NKAIN4: variants seen among roughly 807,000 people sequenced by gnomAD.
NKAIN4 encodes sodium/potassium-transporting ATPase subunit beta-1-interacting protein 4.
In NKAIN4, 28 loss-of-function variants were observed where a neutral mutation model predicts 28.8. That is an observed-to-expected ratio of 0.97 (90% CI 0.72 to 1.33). The LOEUF is 1.33. NKAIN4 is among the 40% of genes most tolerant of loss of function. The pLI, the probability that NKAIN4 is intolerant of heterozygous loss-of-function variation, is 0.00. For synonymous variants in NKAIN4, 122 were observed against 115.6 expected (o/e 1.06, Z -0.36); for missense variants, 289 against 277.2 (o/e 1.04, Z -0.30).
At chr20:63,246,492 G>A (rs999798639) in intron 4 of NKAIN4, 17 of 985,286 alleles carry the variant, frequency 1.7e-5, no homozygotes, top group Non-Finnish European at 1.9e-5. Flanking sequence ...GCAGAGCCCA[G>A]GAAGGAGCCC....
At chr20:63,246,440 A>G in intron 4 of NKAIN4, 1 of 945,842 alleles carries the variant, frequency 1.1e-6, no homozygotes, top group Non-Finnish European at 1.3e-6. Context: ...GCCCCTTGCT[A>G]TGGGGCAGCA....
intron 1 of NKAIN4, among the ~76,000 whole-genome samples, chr20:63,251,175 A>G (rs956764581): frequency 1.2e-4 from 19 of 152,072 alleles, no homozygotes; most frequent in Non-Finnish European, 2.2e-4. Context: ...GGAGAGAGAG[A>G]GAGAGAGACA....
rs780905309 is a variant in NKAIN4, at chr20:63,244,432, A to G, written c.472-348T>C. On this transcript the variant is annotated intron_variant, in intron 4 of 6. Coordinates refer to ENST00000370316, the MANE Select transcript of NKAIN4 (RefSeq NM_152864.4). ...GCCCAGGCTGGATGAACCCCAGGCCAGCACAGTCCCAGCCCTGCGTCCCCT... is the reference window on the plus strand; with the variant it reads ...GCCCAGGCTGGATGAACCCCAGGCCGGCACAGTCCCAGCCCTGCGTCCCCT... 2.2e-5 allele frequency: 11 copies of G among 499,028 alleles called. No individual in the cohort carries two copies. The Admixed American group carries it at 2.3e-4, about 10-fold the overall frequency. 30.9% of individuals were successfully genotyped at this position (499,028 alleles called of 1,614,324 possible).
At chr20:63,250,809 G>C (rs926429096) in intron 1 of NKAIN4, among the ~76,000 whole-genome samples, 6 of 152,168 alleles carry the variant, frequency 3.9e-5, no homozygotes, top group Admixed American at 1.3e-4. Flanking sequence ...TGGCGCACTC[G>C]GCACCACCCG....
At position 63,245,223 on chromosome 20, in the gene NKAIN4, T is replaced by C. The variant is rs1333096497; in HGVS notation, c.472-1139A>G. ...CACCAAGCAGGCAGACCTATCTCCT[T>C]GATATTGAGACAAGCTCAAGAAGCT... On this transcript the variant is annotated intron_variant, in intron 4 of 6. Coordinates refer to ENST00000370316, the MANE Select transcript of NKAIN4 (RefSeq NM_152864.4). The surrounding 1 kb of genome is among the most constrained non-coding windows in gnomAD (Gnocchi z 4.7). 6.6e-6 allele frequency among the ~76,000 whole-genome samples: 1 copy of C among 152,078 alleles called. No individual in the cohort carries two copies. The highest frequency in any genetic ancestry group is 2.4e-5 in the African/African-American group (1 of 41,408).
chr20:63,247,501 G>T, intron 4 of NKAIN4, 77 bp downstream of exon 4: 1 of 1,548,848 alleles, frequency 6.5e-7, no homozygotes, highest in South Asian at 1.2e-5. Flanking sequence ...CCCCGCCTCA[G>T]GGAGATGAGC....
intron 5 of NKAIN4, 137 bp downstream of exon 5, chr20:63,243,885 GCC>G (rs1169908455): frequency 1.5e-6 from 1 of 686,752 alleles, no homozygotes; most frequent in Non-Finnish European, 2.5e-6. Flanking sequence ...CAGGCCTACG[GCC>G]GTGAGCAAGG....
chr20:63,248,973 G>C (rs1454808356), intron 2 of NKAIN4, 78 bp from the exon 3 acceptor site: 1 of 975,828 alleles, frequency 1.0e-6, no homozygotes, highest in African/African-American at 1.6e-5. Context: ...CCCGGGGGAA[G>C]GGGTCCCATG....
rs749538983 is a variant in NKAIN4, at chr20:63,248,847, A to G, written c.241T>C (p.Cys81Arg). 4.3e-6 allele frequency: 7 copies of G among 1,612,802 alleles called. No individual in the cohort carries two copies. In the African/African-American group the frequency reaches 8.0e-5, roughly 18 times the overall value. ...VWVTWNVFII[C>R]FYLEVGGLLK... ...AGGCCACCGACTTCCAGGTAGAAGC[A>G]GATGATGAAGACGTTCCAGGTGACC... Residue 81 changes from cysteine (C) to arginine (R), a missense_variant, in exon 3 of 7, where the codon TGC (cysteine) becomes CGC (arginine). By Grantham distance (180) the Cys-to-Arg change is radical. Transcript: ENST00000370316.
chr20:63,243,072 C>A (rs1282088954), intron 5 of NKAIN4, among the ~76,000 whole-genome samples: 1 of 152,232 alleles, frequency 6.6e-6, no homozygotes, highest in Non-Finnish European at 1.5e-5. Context: ...TGTGTCTGCA[C>A]AGCCAGCAGG....
At chr20:63,247,030 G>A (rs1200522676) in intron 4 of NKAIN4, 3 of 1,005,132 alleles carry the variant, frequency 3.0e-6, no homozygotes, top group Non-Finnish European at 1.2e-6. Flanking sequence ...GCTCCTCAGC[G>A]CCACCCGGGG....
chr20:63,244,479 C>T lies in NKAIN4; in HGVS notation c.472-395G>A, dbSNP rs375375717. The T allele has an allele frequency of 8.0e-5, 38 of 477,286 alleles. No individual in the cohort carries two copies. The East Asian group carries it at 1.1e-3, about 14-fold the overall frequency. 29.6% of individuals were successfully genotyped at this position (477,286 alleles called of 1,614,324 possible). ...CCCTCGGGCCTCTTGCCTTTGGCCCCAGCCCACTCCAGCCAGCAGCCACCA... is the reference window on the plus strand; with the variant it reads ...CCCTCGGGCCTCTTGCCTTTGGCCCTAGCCCACTCCAGCCAGCAGCCACCA... On this transcript the variant is annotated intron_variant, in intron 4 of 6. Transcript: ENST00000370316.
Position 63,245,227 on chromosome 20 carries a change from A to G in NKAIN4, c.472-1143T>C, listed in dbSNP as rs898832872. On this transcript the variant is annotated intron_variant, in intron 4 of 6. Coordinates refer to ENST00000370316, the MANE Select transcript of NKAIN4 (RefSeq NM_152864.4). The surrounding 1 kb of genome is among the most constrained non-coding windows in gnomAD (Gnocchi z 4.7). ...AAGCAGGCAGACCTATCTCCTTGAT[A>G]TTGAGACAAGCTCAAGAAGCTGTCC... 2.6e-5 allele frequency among the ~76,000 whole-genome samples: 4 copies of G among 152,110 alleles called. No homozygotes were observed. The highest frequency in any genetic ancestry group is 4.4e-5 in the Non-Finnish European group (3 of 68,010).
rs1226172754 is a variant in NKAIN4 at position 63,241,214 on chromosome 20, G to A, written c.*283C>T. On this transcript the variant is annotated 3_prime_UTR_variant, in exon 7 of 7. Coordinates refer to ENST00000370316, the MANE Select transcript of NKAIN4 (RefSeq NM_152864.4). ...CAGAGCTGTGACCCCCATGTTGCCA[G>A]AGGAGGTGGGCATGTGGGGTTTTGC... is the stretch of plus-strand genomic sequence containing the variant. The A allele has an allele frequency of 4.6e-6, 2 of 433,874 alleles. No homozygotes were observed. Among genetic ancestry groups the A allele is most frequent in the Non-Finnish European group, 8.3e-6 (2 of 240,188 alleles). The allele number at this position is 433,874 out of a possible 1,614,324, so 26.9% of individuals were successfully genotyped here. A position where few individuals can be genotyped will look rare whatever the true frequency, so the allele number is the denominator to read the frequency against.
intron 1 of NKAIN4, among the ~76,000 whole-genome samples, chr20:63,251,491 G>A (rs1305085763): frequency 3.9e-5 from 6 of 152,166 alleles, no homozygotes; most frequent in Non-Finnish European, 7.4e-5. Context: ...TGAGGCTACC[G>A]CTAGACCACG....
At chr20:63,249,288 G>A (rs2066916093) in intron 2 of NKAIN4, 1 of 224,266 alleles carries the variant, frequency 4.5e-6, no homozygotes, top group African/African-American at 2.3e-5. Flanking sequence ...GCACCCCAAA[G>A]AGCTGCCAGC....
At chr20:63,242,507 G>C (rs201995427) in intron 6 of NKAIN4, 32 bp downstream of exon 6, 5 of 1,531,372 alleles carry the variant, frequency 3.3e-6, no homozygotes, top group Non-Finnish European at 4.5e-6. Flanking sequence ...GGCCAGGCTG[G>C]CCGCAGAGCA....
chr20:63,253,089 C>T (rs2066989272), intron 1 of NKAIN4: 2 of 459,892 alleles, frequency 4.3e-6, no homozygotes, highest in Non-Finnish European at 5.7e-6. Flanking sequence ...CAGGCTGGTG[C>T]CTGTCCTTCA....
intron 1 of NKAIN4, among the ~76,000 whole-genome samples, chr20:63,251,784 G>A (rs2066964529): frequency 6.6e-6 from 1 of 152,112 alleles, no homozygotes; most frequent in Non-Finnish European, 1.5e-5. Flanking sequence ...TATAACTATT[G>A]TTGTATTATA....
Sources: allele counts gnomAD v4.1 joint callset (sites outside exome capture counted in the v4.1 genomes callset), GRCh38; gene constraint gnomAD v4.1.1; non-coding constraint Gnocchi (gnomAD v3.1); transcripts MANE v1.5; gene names NCBI Gene and HGNC (gene_info 2026-07-23, HGNC 2026-07-21).